SLC25A46: variants seen among roughly 807,000 people sequenced by gnomAD.
SLC25A46 encodes mitochondrial outer membrane protein SLC25A46.
In SLC25A46, 39 loss-of-function variants were observed where a neutral mutation model predicts 44.6. The ratio of observed to expected loss-of-function variants is 0.87; its 90% CI spans 0.68 to 1.14. The LOEUF (loss-of-function observed/expected upper bound fraction) is 1.14. Ranked by LOEUF, SLC25A46 falls within the 50% of genes most tolerant of loss-of-function variation. The pLI, the probability that SLC25A46 is intolerant of heterozygous loss-of-function variation, is 0.00. For synonymous variants in SLC25A46, 202 were observed against 185.8 expected (o/e 1.09, Z -0.71); for missense variants, 547 against 522.7 (o/e 1.05, Z -0.45).
At chr5:110,747,191 A>G (rs923655802) in intron 4 of SLC25A46, among the ~76,000 whole-genome samples, 1 of 152,212 alleles carries the variant, frequency 6.6e-6, no homozygotes. Context: ...CATTGCATAT[A>G]ATAGACTGGA....
chr5:110,756,802 G>A (rs750190245), intron 7 of SLC25A46, 43 bp downstream of exon 7: 2 of 1,392,976 alleles, frequency 1.4e-6, no homozygotes, highest in Non-Finnish European at 1.9e-6. Flanking sequence ...TTTAAGAATA[G>A]TTTTTTGACT....
rs1800253655 is a variant in SLC25A46, at chr5:110,761,617, A to T, written c.1092A>T (p.Thr364=). The stretch of plus-strand genomic sequence containing the variant: ...GCTATGAAGTGCTTCCAATTAATAC[A>T]CAATATGAGGGAATGAGAGACTGTA... ...DLGYEVLPIN[T]QYEGMRDCIN... The change falls in exon 8 of 8, where the codon ACA becomes ACT. Residue 364 remains threonine (T), a synonymous_variant. Coordinates refer to ENST00000355943, the MANE Select transcript of SLC25A46 (RefSeq NM_138773.4). This position sits in a 1 kb window ranked among gnomAD's most constrained non-coding sequence, Gnocchi z 5.3. 1.2e-6 allele frequency: 2 copies of T among 1,613,724 alleles called. No homozygotes were observed. The highest frequency in any genetic ancestry group is 1.7e-6 in the Non-Finnish European group (2 of 1,179,734).
Position 110,762,125 on chromosome 5 carries a change from T to C in SLC25A46, c.*343T>C, listed in dbSNP as rs944431503. The stretch of plus-strand genomic sequence containing the variant: ...TTGAATCTATTCCATCTGACTTCAA[T>C]ATTTGCCAAACGTTTATTTTACCTC... On this transcript the variant is annotated 3_prime_UTR_variant, in exon 8 of 8. Coordinates refer to ENST00000355943, the MANE Select transcript of SLC25A46 (RefSeq NM_138773.4). 4.7e-6 allele frequency: 1 copy of C among 211,662 alleles called. No homozygotes were observed. The highest frequency in any genetic ancestry group is 2.4e-5 in the African/African-American group (1 of 42,412). 13.1% of individuals were successfully genotyped at this position (211,662 alleles called of 1,614,324 possible).
Position 110,761,891 on chromosome 5 carries a change from A to C in SLC25A46, c.*109A>C. The C allele has an allele frequency of 1.1e-6, 1 of 931,488 alleles. No individual in the cohort carries two copies. The highest frequency in any genetic ancestry group is 1.6e-6 in the Non-Finnish European group (1 of 637,678). The allele number at this position is 931,488 out of a possible 1,614,324, so 57.7% of individuals were successfully genotyped here. On this transcript the variant is annotated 3_prime_UTR_variant, in exon 8 of 8. Coordinates refer to ENST00000355943, the MANE Select transcript of SLC25A46 (RefSeq NM_138773.4). This position sits in a 1 kb window ranked among gnomAD's most constrained non-coding sequence, Gnocchi z 5.3. ...TGGGGAAGAAAATGGATTGGAAAGT[A>C]AAATTGGTACTAAAGCCCATACTGA... is the stretch of plus-strand genomic sequence containing the variant.
At chr5:110,743,494 C>T (rs551078051) in intron 2 of SLC25A46, among the ~76,000 whole-genome samples, 1 of 151,960 alleles carries the variant, frequency 6.6e-6, no homozygotes, top group South Asian at 2.1e-4. Context: ...GTATTGTTTC[C>T]CTTATTTACT....
In SLC25A46 at chr5:110,755,421, A is replaced by G. The variant is rs771703297; in HGVS notation, c.564-44A>G. On this transcript the variant is annotated intron_variant, in intron 5 of 7. Transcript: ENST00000355943. ...ATTGGGCTAATTCCAGATGTTTTAA[A>G]TAACATGGCTTTTGTTTTATTTAAG... The G allele has an allele frequency of 3.9e-6, 5 of 1,288,014 alleles. No individual in the cohort carries two copies. In the South Asian group the frequency reaches 6.8e-5, roughly 17 times the overall value. 79.8% of individuals were successfully genotyped at this position (1,288,014 alleles called of 1,614,324 possible). A position where few individuals can be genotyped will look rare whatever the true frequency, so the allele number is the denominator to read the frequency against.
chr5:110,748,640 G>A (rs1395427625), intron 5 of SLC25A46, among the ~76,000 whole-genome samples: 1 of 152,162 alleles, frequency 6.6e-6, no homozygotes. Context: ...AGCTTCTACT[G>A]CTATGTGCCA....
chr5:110,753,950 C>G (rs146936452), intron 5 of SLC25A46: 3 of 152,196 alleles, frequency 2.0e-5, no homozygotes, highest in African/African-American at 7.2e-5. Context: ...GTTTTATAAT[C>G]ATAAAGTAAC....
At chr5:110,757,021 A>G (rs1296660755) in intron 7 of SLC25A46, 5 of 293,164 alleles carry the variant, frequency 1.7e-5, no homozygotes, top group East Asian at 5.6e-5. Flanking sequence ...AACACAGCCT[A>G]TAACTTGCTC....
intron 4 of SLC25A46, among the ~76,000 whole-genome samples, chr5:110,747,341 C>T (rs1004831750): frequency 2.0e-5 from 3 of 151,936 alleles, no homozygotes; most frequent in African/African-American, 7.3e-5. Context: ...TTTTATGTTT[C>T]AAGATAATAC....
At chr5:110,747,620 T>C (rs1799853003) in intron 4 of SLC25A46, among the ~76,000 whole-genome samples, 1 of 152,100 alleles carries the variant, frequency 6.6e-6, no homozygotes, top group Non-Finnish European at 1.5e-5. Flanking sequence ...AAACTTGTAG[T>C]CAAATTGATA....
At position 110,743,728 on chromosome 5, in the gene SLC25A46, A is replaced by C. The variant is rs1278362025; in HGVS notation, c.327-2A>C. On this transcript the variant is annotated splice_acceptor_variant, in intron 2 of 7. Transcript: ENST00000355943. LOFTEE classifies it high-confidence loss of function. ...ACATATACATAAATTATTTTTATAT[A>C]GTCTCTTTACAGAAAATGTATTGGC... The C allele has an allele frequency of 6.3e-7, 1 of 1,575,372 alleles. No homozygotes were observed. The highest frequency in any genetic ancestry group is 1.4e-5 in the African/African-American group (1 of 73,886).
rs1561612037 is a variant in SLC25A46, at chr5:110,764,030, C to T, written c.*2248C>T. On this transcript the variant is annotated 3_prime_UTR_variant, in exon 8 of 8. Transcript: ENST00000355943. Reference sequence around the variant, plus strand: ...TGTTATTTTTCTTTAACATGGGTGCCAAATCAAATATCCATGGGCTATACT... The same window carrying T: ...TGTTATTTTTCTTTAACATGGGTGCTAAATCAAATATCCATGGGCTATACT... 6.6e-6 allele frequency: 1 copy of T among 151,624 alleles called. No individual in the cohort carries two copies. The highest frequency in any genetic ancestry group is 1.5e-5 in the Non-Finnish European group (1 of 67,796). 9.4% of individuals were successfully genotyped at this position (151,624 alleles called of 1,614,324 possible).
intron 3 of SLC25A46, among the ~76,000 whole-genome samples, chr5:110,745,292 T>A (rs867839143): frequency 6.6e-6 from 1 of 152,238 alleles, no homozygotes; most frequent in South Asian, 2.1e-4. Context: ...CTCGCTCTGT[T>A]GCCCAAACTG....
At chr5:110,747,665 G>A (rs1051534992) in intron 4 of SLC25A46, among the ~76,000 whole-genome samples, 1 of 152,232 alleles carries the variant, frequency 6.6e-6, no homozygotes, top group East Asian at 1.9e-4. Flanking sequence ...GAAGAGCATG[G>A]ATTTGTAAGA....
chr5:110,764,307 A>C lies in SLC25A46; in HGVS notation c.*2525A>C, dbSNP rs1800332757. On this transcript the variant is annotated 3_prime_UTR_variant, in exon 8 of 8. Coordinates refer to ENST00000355943, the MANE Select transcript of SLC25A46 (RefSeq NM_138773.4). The stretch of plus-strand genomic sequence containing the variant: ...AGTGAACTTACGAATTAACTTACTA[A>C]ATACATATATGTAGACCTTCCCGAA... The C allele has an allele frequency of 6.6e-6, 1 of 151,810 alleles. No individual in the cohort carries two copies. The highest frequency in any genetic ancestry group is 6.6e-5 in the Admixed American group (1 of 15,188). 9.4% of individuals were successfully genotyped at this position (151,810 alleles called of 1,614,324 possible).
At position 110,755,499 on chromosome 5, in the gene SLC25A46, G is replaced by C; in HGVS notation, c.598G>C (p.Gly200Arg). The C allele has an allele frequency of 1.3e-6, 2 of 1,572,868 alleles. No homozygotes were observed. Among genetic ancestry groups the C allele is most frequent in the Non-Finnish European group, 1.7e-6 (2 of 1,161,546 alleles). ...VLHKWSPKQI[G>R]EHLLLKSLTY... ...ACATAAATGGAGTCCTAAACAAATA[G>C]GAGAACACCTTCTACTGAAATCGTA... Residue 200 changes from glycine (G) to arginine (R), a missense_variant, in exon 6 of 8, where the codon GGA (glycine) becomes CGA (arginine). Transcript: ENST00000355943.
chr5:110,748,696 G>T (rs886963304), intron 5 of SLC25A46, among the ~76,000 whole-genome samples: 2 of 152,090 alleles, frequency 1.3e-5, no homozygotes, highest in Admixed American at 6.6e-5. Flanking sequence ...AGCAATTCCC[G>T]CTCTTTAAGT....
intron 4 of SLC25A46, 47 bp from the exon 5 acceptor site, chr5:110,748,116 T>C (rs1427313328): frequency 7.6e-7 from 1 of 1,318,146 alleles, no homozygotes; most frequent in East Asian, 2.3e-5. Flanking sequence ...CTTTTGTGTT[T>C]CAGATGTAGG....
Sources: gnomAD v4.1 joint callset for allele counts (sites outside exome capture counted in the v4.1 genomes callset) on GRCh38, gnomAD v4.1.1 for gene constraint, Gnocchi (gnomAD v3.1) non-coding constraint, MANE v1.5 for transcripts, NCBI Gene and HGNC (gene_info 2026-07-23, HGNC 2026-07-21) for gene names.